The following KCNN2 variants were observed in gnomAD, a reference collection of about 807,000 sequenced individuals.
The protein encoded by KCNN2 is potassium calcium-activated channel subfamily N member 2.
Under a neutral mutation model 55.5 loss-of-function variants are expected in KCNN2, and 24 were observed. That is an observed-to-expected ratio of 0.43 (90% CI 0.31 to 0.61). The LOEUF is 0.61. KCNN2 is among the 20% of genes least tolerant of loss of function. KCNN2 has a pLI of 0.08. For missense variants in KCNN2, 754 were observed against 853.6 expected (o/e 0.88, Z 1.45); for synonymous variants, 431 against 336.1 (o/e 1.28, Z -3.09).
At chr5:114,183,273 CT>C (rs1430168524) in intron 1 of KCNN2, among the ~76,000 whole-genome samples, 1 of 152,004 alleles carries the variant, frequency 6.6e-6, no homozygotes, top group Non-Finnish European at 1.5e-5. Context: ...ATCTTAAAGA[CT>C]TTTTCTTCCT....
At chr5:114,269,548 ACTG>A (rs1438224010) in intron 2 of KCNN2, among the ~76,000 whole-genome samples, 39 of 151,646 alleles carry the variant, frequency 2.6e-4, no homozygotes, top group Non-Finnish European at 4.1e-4. Flanking sequence ...CGACTCTAGA[ACTG>A]CTGAACACTG....
At chr5:114,251,559 A>G (rs1013284103) in intron 2 of KCNN2, among the ~76,000 whole-genome samples, 1 of 152,174 alleles carries the variant, frequency 6.6e-6, no homozygotes, top group Admixed American at 6.5e-5. Context: ...GGTTCTTTCC[A>G]AATGCTGTTC....
chr5:114,252,577 C>G (rs1287607794), intron 2 of KCNN2, among the ~76,000 whole-genome samples: 1 of 151,814 alleles, frequency 6.6e-6, no homozygotes, highest in Non-Finnish European at 1.5e-5. Context: ...AGTTTTATCC[C>G]ATTTGAGAAT....
intron 2 of KCNN2, among the ~76,000 whole-genome samples, chr5:114,322,602 C>T (rs200514885): frequency 6.9e-6 from 1 of 144,672 alleles, no homozygotes; most frequent in African/African-American, 2.5e-5. Flanking sequence ...CACACACACA[C>T]ACATACACAC....
At chr5:114,146,999 C>A (rs150579418) in intron 1 of KCNN2, among the ~76,000 whole-genome samples, 167 of 152,236 alleles carry the variant, frequency 1.1e-3, no homozygotes, top group African/African-American at 4.0e-3. Flanking sequence ...TAGTGACAAG[C>A]ACTATATAAG....
At chr5:114,495,849 G>A (rs774188067) in intron 7 of KCNN2, 46 bp from the exon 8 acceptor site, 7 of 1,565,418 alleles carry the variant, frequency 4.5e-6, no homozygotes, top group Non-Finnish European at 6.1e-6. Context: ...GACAGTTTGT[G>A]TTCAGGGCAA....
chr5:114,495,560 A>G (rs189818117), intron 7 of KCNN2, among the ~76,000 whole-genome samples: 21 of 152,302 alleles, frequency 1.4e-4, no homozygotes, highest in Admixed American at 1.4e-3. Flanking sequence ...AATTTGATGT[A>G]CTAACCTTTG....
At chr5:114,148,216 T>A (rs1752444401) in intron 1 of KCNN2, among the ~76,000 whole-genome samples, 1 of 152,052 alleles carries the variant, frequency 6.6e-6, no homozygotes, top group South Asian at 2.1e-4. Context: ...AGGTCAATGA[T>A]AATTAAAGGC....
intron 1 of KCNN2, among the ~76,000 whole-genome samples, chr5:114,130,390 C>T (rs1032845454): frequency 6.6e-6 from 1 of 152,130 alleles, no homozygotes; most frequent in East Asian, 1.9e-4. Context: ...TCATTTTATT[C>T]GTTCAAGAAG....
intron 1 of KCNN2, among the ~76,000 whole-genome samples, chr5:114,082,729 TAAAAAG>T (rs34610537): frequency 0.011 from 1,659 of 152,220 alleles, 46 homozygotes; most frequent in African/African-American, 0.038. Context: ...ACAATGGACT[TAAAAAG>T]GAATGAAATT....
chr5:114,160,282 AG>A (rs1417179735), intron 1 of KCNN2, among the ~76,000 whole-genome samples: 2 of 152,178 alleles, frequency 1.3e-5, no homozygotes, highest in Non-Finnish European at 2.9e-5. Flanking sequence ...GTTCAGGAGC[AG>A]GTTGTTCAGT....
At chr5:114,430,810 T>C (rs947775362) in intron 3 of KCNN2, among the ~76,000 whole-genome samples, 1 of 152,112 alleles carries the variant, frequency 6.6e-6, no homozygotes, top group Non-Finnish European at 1.5e-5. Context: ...TGAATGGGTG[T>C]TAGATTTTTG....
chr5:114,217,731 TGAAA>T (rs1754036017), intron 1 of KCNN2, among the ~76,000 whole-genome samples: 1 of 152,178 alleles, frequency 6.6e-6, no homozygotes, highest in Middle Eastern at 3.4e-3. Flanking sequence ...GCGTGATCCA[TGAAA>T]GAAAGAATTG....
intron 2 of KCNN2, among the ~76,000 whole-genome samples, chr5:114,372,880 T>G (rs1757803691): frequency 6.6e-6 from 1 of 152,142 alleles, no homozygotes; most frequent in Admixed American, 6.6e-5. Flanking sequence ...ATTTTATTAT[T>G]TTCCCTATTT....
In KCNN2 at chr5:114,127,788, C is replaced by G. The variant is rs539487282; in HGVS notation, c.-271+71288C>G. ...GCTCTGCTTTCTCTTGAATGCTTTG[C>G]TACTTAGAAATTTCTTCCACCAGAT... On this transcript the variant is annotated intron_variant, in intron 1 of 10. Coordinates refer to the KCNN2 transcript ENST00000512097. Among the ~76,000 whole-genome samples the G allele has an allele frequency of 8.9e-4, 136 of 152,268 alleles. 1 individual carries two copies. The highest frequency in any genetic ancestry group is 3.1e-3 in the African/African-American group (129 of 41,566).
intron 3 of KCNN2, among the ~76,000 whole-genome samples, chr5:114,460,661 A>G (rs1761150052): frequency 6.6e-6 from 1 of 152,212 alleles, no homozygotes; most frequent in South Asian, 2.1e-4. Context: ...CTAAGTATCT[A>G]AGGACACTTT....
chr5:114,463,058 T>C lies in KCNN2; in HGVS notation c.1647T>C (p.Asp549=), dbSNP rs746918927. Residue 549 remains aspartate (D), a synonymous_variant, in exon 4 of 8, where the codon GAT becomes GAC. Transcript: ENST00000673685. The part of the protein sequence containing the change: ...WTVRACERYH[D]QQDVTSNFLG... The stretch of plus-strand genomic sequence containing the variant: ...GTTTGCTGTTTTTCAGGTACCATGA[T>C]CAACAGGATGTTACTAGCAACTTCC... The C allele has an allele frequency of 6.2e-7, 1 of 1,612,682 alleles. No individual in the cohort carries two copies. The highest frequency in any genetic ancestry group is 1.7e-5 in the Admixed American group (1 of 59,734).
chr5:114,459,570 G>C (rs897521989), intron 3 of KCNN2, among the ~76,000 whole-genome samples: 1 of 151,812 alleles, frequency 6.6e-6, no homozygotes, highest in African/African-American at 2.4e-5. Flanking sequence ...AAACAAAATA[G>C]GGGATTATTC....
intron 2 of KCNN2, among the ~76,000 whole-genome samples, chr5:114,371,158 G>T (rs540982008): frequency 1.4e-4 from 21 of 152,134 alleles, no homozygotes; most frequent in South Asian, 4.1e-4. Context: ...TACTGAGAAG[G>T]GAAGACTCAA....
Sources: allele counts gnomAD v4.1 joint callset (sites outside exome capture counted in the v4.1 genomes callset), GRCh38; gene constraint gnomAD v4.1.1; transcripts MANE v1.5; gene names NCBI Gene and HGNC (gene_info 2026-07-23, HGNC 2026-07-21).